Variants in SLC35F3 observed in about 807,000 individuals in gnomAD.
SLC35F3 encodes the protein putative thiamine transporter SLC35F3.
In SLC35F3, 25 loss-of-function variants were observed where a neutral mutation model predicts 49.9. That is an observed-to-expected ratio of 0.50 (90% CI 0.37 to 0.70). The LOEUF (loss-of-function observed/expected upper bound fraction) is 0.70. Ranked by LOEUF, SLC35F3 falls within the 30% of genes least tolerant of loss-of-function variation. The pLI is 0.00. For missense variants in SLC35F3, 525 were observed against 639.8 expected, an observed-to-expected ratio of 0.82 and a Z score of 1.94; for synonymous variants, 275 against 265.4, an observed-to-expected ratio of 1.04 and a Z score of -0.35.
chr1:234,176,560 T>C (rs1444935999), intron 2 of SLC35F3, among the ~76,000 whole-genome samples: 1 of 152,158 alleles, frequency 6.6e-6, no homozygotes, highest in African/African-American at 2.4e-5. Context: ...TCAGAATCAA[T>C]TGGGAAGCCC....
chr1:234,037,679 G>A (rs993511652), intron 2 of SLC35F3, among the ~76,000 whole-genome samples: 2 of 152,210 alleles, frequency 1.3e-5, no homozygotes, highest in African/African-American at 4.8e-5. Flanking sequence ...TTAGAAGGAT[G>A]CTCAGGGAAT....
chr1:234,242,711 A>T (rs1667572817), intron 3 of SLC35F3, among the ~76,000 whole-genome samples: 2 of 152,238 alleles, frequency 1.3e-5, no homozygotes, highest in South Asian at 4.1e-4. Flanking sequence ...ACTTAATGTA[A>T]CATTCAGGAG....
intron 2 of SLC35F3, among the ~76,000 whole-genome samples, chr1:234,217,930 T>TG (rs1260693570): frequency 6.6e-6 from 1 of 152,024 alleles, no homozygotes; most frequent in East Asian, 1.9e-4. Context: ...CAGCTGAGGC[T>TG]GGGGGGATAT....
intron 2 of SLC35F3, among the ~76,000 whole-genome samples, chr1:233,968,720 A>T (rs768337475): frequency 6.6e-6 from 1 of 151,990 alleles, no homozygotes; most frequent in Non-Finnish European, 1.5e-5. Flanking sequence ...CCTTACCTCA[A>T]GTGATCCACC....
chr1:234,125,443 A>G (rs1277498990), intron 2 of SLC35F3, among the ~76,000 whole-genome samples: 1 of 152,062 alleles, frequency 6.6e-6, no homozygotes, highest in Non-Finnish European at 1.5e-5. Context: ...GCTGCTCTTG[A>G]GTTCACGTAC....
chr1:234,266,174 G>A (rs1264143722), intron 3 of SLC35F3, among the ~76,000 whole-genome samples: 1 of 152,090 alleles, frequency 6.6e-6, no homozygotes, highest in Non-Finnish European at 1.5e-5. Flanking sequence ...ACAACCTAGA[G>A]TAGTGCCTGG....
At chr1:234,059,591 C>A (rs940698212) in intron 2 of SLC35F3, among the ~76,000 whole-genome samples, 1 of 151,828 alleles carries the variant, frequency 6.6e-6, no homozygotes, top group Non-Finnish European at 1.5e-5. Context: ...AGAGCTAGAG[C>A]TAGAGCTAGA....
intron 2 of SLC35F3, among the ~76,000 whole-genome samples, chr1:233,984,713 A>G (rs1663239471): frequency 6.6e-6 from 1 of 152,166 alleles, no homozygotes; most frequent in South Asian, 2.1e-4. Context: ...GAAATTTAGA[A>G]CAAAGAATGG....
At position 234,221,508 on chromosome 1, in the gene SLC35F3, G is replaced by T. The variant is rs531228869; in HGVS notation, c.284-9909G>T. On this transcript the variant is annotated intron_variant, in intron 2 of 7. Transcript: ENST00000366618. ...GCAGAGGAGGGAAGCTAAGGGAGCT[G>T]TGCTGGTGACTTTGATCTTTGTAAT... Among the ~76,000 whole-genome samples the T allele has an allele frequency of 1.1e-4, 17 of 152,330 alleles. No homozygotes were observed. The South Asian group carries it at 1.2e-3, about 11-fold the overall frequency.
chr1:234,243,342 C>A (rs147260863), intron 3 of SLC35F3, among the ~76,000 whole-genome samples: 9 of 151,846 alleles, frequency 5.9e-5, no homozygotes, highest in African/African-American at 2.2e-4. Context: ...AGTGAGACTC[C>A]GCCTCAAAAA....
At chr1:233,926,704 GA>G (rs1662166481) in intron 2 of SLC35F3, among the ~76,000 whole-genome samples, 1 of 152,170 alleles carries the variant, frequency 6.6e-6, no homozygotes, top group Non-Finnish European at 1.5e-5. Flanking sequence ...TCCTTTGAAG[GA>G]GAAGAGGTGC....
Position 233,904,990 on chromosome 1 carries a change from C to A in SLC35F3, c.-88C>A. 2 of 1,449,988 alleles carry A rather than the reference C, an allele frequency of 1.4e-6. No homozygotes were observed. Among genetic ancestry groups the A allele is most frequent in the Non-Finnish European group, 9.4e-7 (1 of 1,063,480 alleles). 89.8% of individuals were successfully genotyped at this position (1,449,988 alleles called of 1,614,324 possible). ...CCCTCGGTGGGCAGCGCACTCCAGT[C>A]TTCCCAGGCTAGCGGCTGCAGGGAG... On this transcript the variant is annotated 5_prime_UTR_variant, in exon 1 of 8. Coordinates refer to ENST00000366618, the MANE Select transcript of SLC35F3 (RefSeq NM_173508.4).
chr1:233,960,600 A>G (rs1662783203), intron 2 of SLC35F3, among the ~76,000 whole-genome samples: 2 of 152,172 alleles, frequency 1.3e-5, no homozygotes, highest in Admixed American at 6.5e-5. Flanking sequence ...CTGTTGAGTA[A>G]TGCTAGTTAT....
At chr1:234,254,767 CA>C (rs1667791448) in intron 3 of SLC35F3, among the ~76,000 whole-genome samples, 1 of 152,122 alleles carries the variant, frequency 6.6e-6, no homozygotes, top group South Asian at 2.1e-4. Context: ...AATTATTAAC[CA>C]GTTTGTAAGC....
intron 2 of SLC35F3, among the ~76,000 whole-genome samples, chr1:233,962,184 T>C (rs780239608): frequency 2.0e-5 from 3 of 152,236 alleles, no homozygotes; most frequent in Non-Finnish European, 4.4e-5. Context: ...TACAGATATT[T>C]TTCTATTAAA....
chr1:234,262,551 A>G (rs913637888), intron 3 of SLC35F3, among the ~76,000 whole-genome samples: 4 of 152,104 alleles, frequency 2.6e-5, no homozygotes, highest in African/African-American at 9.7e-5. Context: ...ACTTCCTTCT[A>G]GGTAAGCTGT....
intron 2 of SLC35F3, among the ~76,000 whole-genome samples, chr1:234,176,355 A>G (rs2102921417): frequency 6.6e-6 from 1 of 152,202 alleles, no homozygotes. Flanking sequence ...CCATCTGTTC[A>G]TAGAGTGGAA....
chr1:234,149,152 A>C (rs1278356815), intron 2 of SLC35F3, among the ~76,000 whole-genome samples: 1 of 152,076 alleles, frequency 6.6e-6, no homozygotes, highest in Non-Finnish European at 1.5e-5. Context: ...TGGATGGAAA[A>C]GGGGAGAACC....
chr1:234,274,115 G>T (rs1572128961), intron 3 of SLC35F3: 1 of 152,218 alleles, frequency 6.6e-6, no homozygotes, highest in Non-Finnish European at 1.5e-5. Context: ...ATAGTTCTCA[G>T]GGGGAAATGT....
Sources: allele counts gnomAD v4.1 joint callset (sites outside exome capture counted in the v4.1 genomes callset), GRCh38; gene constraint gnomAD v4.1.1; transcripts MANE v1.5; gene names NCBI Gene and HGNC (gene_info 2026-07-23, HGNC 2026-07-21).